Variants in EVC2 observed in about 807,000 individuals in gnomAD.
EVC2 encodes the protein EvC ciliary complex subunit 2, also known as limbin.
In EVC2, 148 loss-of-function variants were observed where a neutral mutation model predicts 149.3. The ratio of observed to expected loss-of-function variants is 0.99; its 90% CI spans 0.87 to 1.14. The LOEUF (loss-of-function observed/expected upper bound fraction) is 1.14. Ranked by LOEUF, EVC2 falls within the 50% of genes most tolerant of loss-of-function variation. The pLI, the probability that EVC2 is intolerant of heterozygous loss-of-function variation, is 0.00. For missense variants in EVC2, 1,854 were observed against 1,627.3 expected (o/e 1.14, Z -2.40); for synonymous variants, 776 against 649.9 (o/e 1.19, Z -2.95).
intron 16 of EVC2, among the ~76,000 whole-genome samples, chr4:5,603,041 G>A (rs772514897): frequency 5.3e-5 from 8 of 152,238 alleles, no homozygotes; most frequent in East Asian, 1.9e-4. Context: ...GAAGGCATGC[G>A]TATGTTTGAT....
the EVC2 span, among the ~76,000 whole-genome samples, chr4:5,536,609 C>A: frequency 6.6e-6 from 1 of 151,918 alleles, no homozygotes; most frequent in Non-Finnish European, 1.5e-5. Flanking sequence ...ATGGTGAAAC[C>A]CCGTTTCTAC....
At chr4:5,563,224 G>C (rs1722066960) in intron 21 of EVC2, 109 bp from the exon 22 acceptor site, 7 of 1,089,614 alleles carry the variant, frequency 6.4e-6, no homozygotes, top group Admixed American at 4.0e-5. Context: ...CCCCAACCCA[G>C]TGCCATTTTA....
chr4:5,537,256 G>T, the EVC2 span, among the ~76,000 whole-genome samples: 1 of 152,154 alleles, frequency 6.6e-6, no homozygotes, highest in Non-Finnish European at 1.5e-5. Flanking sequence ...GGAGAGAGGA[G>T]AGCTATGGAG....
chr4:5,703,790 T>C (rs947360912), intron 1 of EVC2, among the ~76,000 whole-genome samples: 2 of 152,048 alleles, frequency 1.3e-5, no homozygotes, highest in African/African-American at 4.8e-5. Context: ...ACATACCATA[T>C]ATAGTATATT....
chr4:5,653,330 C>T (rs1048151263), intron 9 of EVC2, among the ~76,000 whole-genome samples: 4 of 152,356 alleles, frequency 2.6e-5, no homozygotes, highest in South Asian at 4.1e-4. Context: ...TGCAGTCCCT[C>T]TCCATCCATG....
At chr4:5,621,575 T>C (rs1204638954) in intron 14 of EVC2, among the ~76,000 whole-genome samples, 2 of 152,234 alleles carry the variant, frequency 1.3e-5, no homozygotes, top group African/African-American at 4.8e-5. Context: ...AAAAGCTCTG[T>C]TGGTCTCTAT....
chr4:5,649,073 G>A (rs1191728509), intron 9 of EVC2, among the ~76,000 whole-genome samples: 3 of 152,146 alleles, frequency 2.0e-5, no homozygotes, highest in Non-Finnish European at 4.4e-5. Context: ...TCCCCTGAAA[G>A]TCCCTAACAA....
chr4:5,648,170 C>T (rs59410076), intron 9 of EVC2, among the ~76,000 whole-genome samples: 11,875 of 152,252 alleles, frequency 0.078, 1,234 homozygotes, highest in African/African-American at 0.24. Flanking sequence ...CTAGAAACAT[C>T]AGAATTCTTC....
At chr4:5,578,988 C>T (rs1022586594) in intron 17 of EVC2, among the ~76,000 whole-genome samples, 3 of 152,108 alleles carry the variant, frequency 2.0e-5, no homozygotes, top group African/African-American at 4.8e-5. Context: ...TTCAAAGGGA[C>T]CCATGCCTGA....
the EVC2 span, among the ~76,000 whole-genome samples, chr4:5,535,635 A>AGAGAGAG: frequency 6.8e-5 from 6 of 87,914 alleles, no homozygotes; most frequent in East Asian, 2.8e-3. The surrounding 1 kb of genome is among the most constrained non-coding windows in gnomAD (Gnocchi z 4.7). Flanking sequence ...GAGAGAGAGA[A>AGAGAGAG]AGAGATAATC....
chr4:5,701,583 T>A (rs949831236), intron 1 of EVC2, among the ~76,000 whole-genome samples: 23 of 152,186 alleles, frequency 1.5e-4, no homozygotes, highest in Non-Finnish European at 2.9e-5. Flanking sequence ...GGGCACTCTT[T>A]CCAGTCGAGA....
At chr4:5,600,432 G>GATAAAGTAC (rs1713885389) in intron 16 of EVC2, among the ~76,000 whole-genome samples, 1 of 152,142 alleles carries the variant, frequency 6.6e-6, no homozygotes, top group African/African-American at 2.4e-5. Flanking sequence ...CATTTCTAAT[G>GATAAAGTAC]ATAAAGTACA....
intron 16 of EVC2, among the ~76,000 whole-genome samples, chr4:5,586,954 C>T (rs1173129919): frequency 6.6e-6 from 1 of 152,192 alleles, no homozygotes; most frequent in African/African-American, 2.4e-5. Flanking sequence ...TGAGATCTGT[C>T]TCAGATACTT....
chr4:5,706,592 C>T (rs1722216326), intron 1 of EVC2, among the ~76,000 whole-genome samples: 1 of 151,820 alleles, frequency 6.6e-6, no homozygotes, highest in South Asian at 2.1e-4. Context: ...TGGGAACAGC[C>T]CTTACACCAT....
intron 21 of EVC2, among the ~76,000 whole-genome samples, chr4:5,545,672 C>T (rs559836516): frequency 5.3e-5 from 8 of 152,238 alleles, no homozygotes; most frequent in Non-Finnish European, 8.8e-5. Flanking sequence ...TAGAGAGTCC[C>T]AATTTAAAAT....
intron 9 of EVC2, among the ~76,000 whole-genome samples, chr4:5,644,683 C>G (rs1386064025): frequency 1.3e-5 from 2 of 152,154 alleles, no homozygotes; most frequent in Non-Finnish European, 2.9e-5. Context: ...TCTAAACCTA[C>G]CCCTTCCCAT....
intron 21 of EVC2, among the ~76,000 whole-genome samples, chr4:5,556,431 A>C (rs1428452744): frequency 2.0e-5 from 3 of 152,070 alleles, no homozygotes; most frequent in Non-Finnish European, 4.4e-5. Flanking sequence ...TGTATAATGC[A>C]GTTAAAGTAG....
intron 1 of EVC2, among the ~76,000 whole-genome samples, chr4:5,706,321 CATAGATAGATAG>C (rs1163864655): frequency 3.8e-4 from 10 of 26,506 alleles, no homozygotes; most frequent in Non-Finnish European, 6.3e-4. Flanking sequence ...TAGATAGATA[CATAGATAGATAG>C]ATAGATACAT....
chr4:5,595,906 AG>A (rs1713364188), intron 16 of EVC2, among the ~76,000 whole-genome samples: 2 of 152,194 alleles, frequency 1.3e-5, no homozygotes, highest in South Asian at 4.1e-4. Context: ...AAAAAAAGGC[AG>A]GGGTTGCAAT....
Sources: gnomAD v4.1 joint callset for allele counts (sites outside exome capture counted in the v4.1 genomes callset) on GRCh38, gnomAD v4.1.1 for gene constraint, Gnocchi (gnomAD v3.1) non-coding constraint, MANE v1.5 for transcripts, NCBI Gene and HGNC (gene_info 2026-07-23, HGNC 2026-07-21) for gene names.